RRP12: variants seen among roughly 807,000 people sequenced by gnomAD.
The protein encoded by RRP12 is ribosomal RNA processing 12 homolog, also known as RRP12-like protein.
A neutral mutation model predicts 157.3 loss-of-function variants in RRP12; 78 were observed. The ratio of observed to expected loss-of-function variants is 0.50; its 90% CI spans 0.41 to 0.60. RRP12 has a LOEUF of 0.60. Ranked by LOEUF, RRP12 falls within the 20% of genes least tolerant of loss-of-function variation. The pLI, the probability that RRP12 is intolerant of heterozygous loss-of-function variation, is 0.00. For missense variants in RRP12, 1,521 were observed against 1,679.9 expected, an observed-to-expected ratio of 0.91 and a Z score of 1.65; for synonymous variants, 726 against 670.9, an observed-to-expected ratio of 1.08 and a Z score of -1.27.
chr10:97,360,351 G>A (rs1207475092), intron 31 of RRP12, among the ~76,000 whole-genome samples, 195 bp downstream of exon 31: 1 of 152,140 alleles, frequency 6.6e-6, no homozygotes, highest in Non-Finnish European at 1.5e-5. Flanking sequence ...CTAACCCATA[G>A]GCTCTCTCAC....
At chr10:97,374,721 G>A (rs1176364666) in intron 15 of RRP12, among the ~76,000 whole-genome samples, 6 of 146,560 alleles carry the variant, frequency 4.1e-5, no homozygotes, top group African/African-American at 1.3e-4. Context: ...GCAGTGAGCC[G>A]AGATCGTGCT....
chr10:97,367,515 G>C, intron 25 of RRP12: 1 of 238,266 alleles, frequency 4.2e-6, no homozygotes, highest in Non-Finnish European at 8.4e-6. Flanking sequence ...GGCCATAGAG[G>C]TGGGAGTTCA....
At chr10:97,374,789 A>AAAG (rs1382914113) in intron 15 of RRP12, among the ~76,000 whole-genome samples, 2 of 150,928 alleles carry the variant, frequency 1.3e-5, no homozygotes, top group African/African-American at 4.9e-5. Context: ...AAAAAAAAAA[A>AAAG]CCATAGGGAG....
chr10:97,363,615 C>T (rs1843898022), intron 30 of RRP12, among the ~76,000 whole-genome samples: 1 of 152,204 alleles, frequency 6.6e-6, no homozygotes, highest in Non-Finnish European at 1.5e-5. Flanking sequence ...CTGCATAGCA[C>T]ATGCCCTCGC....
rs751796920 is a variant in RRP12, at chr10:97,400,434, T to C, written c.240A>G (p.Glu80=). The C allele has an allele frequency of 1.2e-6, 2 of 1,614,134 alleles. No homozygotes were observed. Among genetic ancestry groups the C allele is most frequent in the Non-Finnish European group, 1.7e-6 (2 of 1,180,014 alleles). ...GKSEAPETPM[E]EEAELVLTEK... is the part of the protein sequence containing the mutation. ...CGGTGAGAACCAGCTCCGCCTCTTC[T>C]TCCATGGGCGTCTCCGGGGCTTCGC... is the stretch of plus-strand genomic sequence containing the variant. Residue 80 remains glutamate, a synonymous_variant, in exon 2 of 34, where the codon GAA becomes GAG. Transcript: ENST00000370992.
intron 4 of RRP12, among the ~76,000 whole-genome samples, chr10:97,391,248 C>T (rs375885751): frequency 1.8e-3 from 277 of 152,304 alleles, no homozygotes; most frequent in African/African-American, 6.5e-3. Flanking sequence ...TAGAATGCCA[C>T]CTGATATACA....
At chr10:97,386,863 G>A (rs1284340859) in intron 8 of RRP12, among the ~76,000 whole-genome samples, 9 of 152,064 alleles carry the variant, frequency 5.9e-5, no homozygotes, top group African/African-American at 7.2e-5. Context: ...GGTGGCGGGC[G>A]CCTGTAGTCC....
rs960871098 is a variant in RRP12 at position 97,366,795 on chromosome 10, C to T, written c.3162G>A (p.Glu1054=). The T allele has an allele frequency of 6.2e-7, 1 of 1,614,220 alleles. No individual in the cohort carries two copies. Among genetic ancestry groups the T allele is most frequent in the South Asian group, 1.1e-5 (1 of 91,088 alleles). The part of the protein sequence containing the change: ...RHRALSQAAV[E]EEEEEEEEEE... ...CCTCCTCCTCCTCCTCTTCTTCCTC[C>T]TCCACGGCAGCCTGGCTCAGGGCTC... The change falls in exon 27 of 34, where the codon GAG becomes GAA. Residue 1054 remains glutamate (E), a synonymous_variant. Coordinates refer to ENST00000370992, the MANE Select transcript of RRP12 (RefSeq NM_015179.4).
At chr10:97,377,844 CAAAAAAA>C (rs57212325) in intron 15 of RRP12, among the ~76,000 whole-genome samples, 1 of 48,798 alleles carries the variant, frequency 2.0e-5, no homozygotes, top group Non-Finnish European at 4.4e-5. Flanking sequence ...GACTTCATCT[CAAAAAAA>C]AAAAAAAAAA....
chr10:97,372,791 G>A lies in RRP12; in HGVS notation c.2194C>T (p.Leu732Phe), dbSNP rs1462350236. Residue 732 changes from leucine (L) to phenylalanine (F), a missense_variant, in exon 19 of 34, where the codon CTC (leucine) becomes TTC (phenylalanine). Physicochemically the swap from Leu to Phe is conservative, Grantham distance 22. Transcript: ENST00000370992. ...TITDTQLVNS[L>F]LEKASEKVLD... ...ACCTTCTCACTGGCTTTTTCCAGGA[G>A]ACTGTTCACCAACTTGTGGCCCCGA... is the stretch of plus-strand genomic sequence containing the variant. The A allele has an allele frequency of 6.4e-7, 1 of 1,563,004 alleles. No homozygotes were observed. Among genetic ancestry groups the A allele is most frequent in the Non-Finnish European group, 8.7e-7 (1 of 1,152,906 alleles).
intron 15 of RRP12, among the ~76,000 whole-genome samples, chr10:97,374,271 G>A (rs984344707): frequency 1.3e-5 from 2 of 152,058 alleles, no homozygotes; most frequent in Admixed American, 6.5e-5. Flanking sequence ...CCAGGCTCAC[G>A]CGATCCTCCT....
intron 15 of RRP12, among the ~76,000 whole-genome samples, chr10:97,376,683 C>T (rs954343489): frequency 6.6e-6 from 1 of 151,920 alleles, no homozygotes; most frequent in Non-Finnish European, 1.5e-5. Context: ...AGCATCCTGG[C>T]CTCTACCCAC....
chr10:97,387,087 C>G (rs1844654765), intron 8 of RRP12, among the ~76,000 whole-genome samples: 1 of 152,078 alleles, frequency 6.6e-6, no homozygotes. Context: ...TACCAATGCT[C>G]AAGTCTCTAT....
chr10:97,387,590 G>A (rs147572387), intron 8 of RRP12, among the ~76,000 whole-genome samples: 1 of 151,534 alleles, frequency 6.6e-6, no homozygotes, highest in East Asian at 1.9e-4. Flanking sequence ...ACAGAATTGT[G>A]CTAGAAATGG....
chr10:97,399,163 C>T (rs576385238), intron 2 of RRP12, among the ~76,000 whole-genome samples: 1 of 152,202 alleles, frequency 6.6e-6, no homozygotes, highest in African/African-American at 2.4e-5. Context: ...ATCCCAGCTA[C>T]TCGGGAGGCT....
intron 8 of RRP12, among the ~76,000 whole-genome samples, chr10:97,387,568 G>A (rs145273831): frequency 4.8e-4 from 72 of 151,432 alleles, no homozygotes; most frequent in African/African-American, 1.7e-3. Context: ...AGAGCTGACT[G>A]TATAAAGATT....
rs750247095 is a variant in RRP12 at position 97,366,276 on chromosome 10, C to T, written c.3392-43G>A. 5 of 1,605,122 alleles carry T rather than the reference C, an allele frequency of 3.1e-6. No homozygotes were observed. The South Asian group carries it at 4.4e-5, about 14-fold the overall frequency. On this transcript the variant is annotated intron_variant, in intron 28 of 33. Transcript: ENST00000370992. ...GCATGAGGAGGTGGAAGGCCAGTCC[C>T]ATGCTACTCACCCTCATCATGACCA... is the stretch of plus-strand genomic sequence containing the variant.
Position 97,361,545 on chromosome 10 carries a change from C to T in RRP12, c.3568-927G>A, listed in dbSNP as rs189081502. ...GGAAAGGTATGCCAGGTAAAGGGAT[C>T]GGCCTGGGCAGAGCGAACAGGCTGC... On this transcript the variant is annotated intron_variant, in intron 30 of 33. Coordinates refer to ENST00000370992, the MANE Select transcript of RRP12 (RefSeq NM_015179.4). 3.3e-3 allele frequency among the ~76,000 whole-genome samples: 501 copies of T among 152,328 alleles called. 14 individuals carry two copies. Among genetic ancestry groups the T allele is most frequent in the Admixed American group, 0.031 (473 of 15,296 alleles).
intron 11 of RRP12, 52 bp from the exon 12 acceptor site, chr10:97,381,535 A>C: frequency 7.1e-7 from 1 of 1,407,730 alleles, no homozygotes; most frequent in Non-Finnish European, 9.8e-7. Flanking sequence ...CCCCAGGACC[A>C]CTCTCCCCTC....
Sources: allele counts gnomAD v4.1 joint callset (sites outside exome capture counted in the v4.1 genomes callset), GRCh38; gene constraint gnomAD v4.1.1; transcripts MANE v1.5; gene names NCBI Gene and HGNC (gene_info 2026-07-23, HGNC 2026-07-21).